Variants in DLG2 observed in about 807,000 individuals in gnomAD.
The protein encoded by DLG2 is discs large MAGUK scaffold protein 2.
Under a neutral mutation model 132.5 loss-of-function variants are expected in DLG2, and 45 were observed. The observed-to-expected ratio is 0.34, with a 90% CI of 0.27 to 0.44. The LOEUF (loss-of-function observed/expected upper bound fraction) is 0.44. Ranked by LOEUF, DLG2 falls within the 20% of genes least tolerant of loss-of-function variation. The pLI, the probability that DLG2 is intolerant of heterozygous loss-of-function variation, is 1.00. For missense variants in DLG2, 1,045 were observed against 1,196.9 expected, an observed-to-expected ratio of 0.87 and a Z score of 1.87; for synonymous variants, 424 against 419.6, an observed-to-expected ratio of 1.01 and a Z score of -0.13.
chr11:83,859,249 C>T (rs2061037828), intron 16 of DLG2, among the ~76,000 whole-genome samples: 1 of 152,142 alleles, frequency 6.6e-6, no homozygotes, highest in South Asian at 2.1e-4. Flanking sequence ...CAAGTAGAGG[C>T]TGGACCAGTT....
At chr11:85,348,763 C>T (rs928387098) in intron 3 of DLG2, among the ~76,000 whole-genome samples, 1 of 152,112 alleles carries the variant, frequency 6.6e-6, no homozygotes, top group East Asian at 1.9e-4. Context: ...ACATTTACAT[C>T]CAGTCAATCA....
At chr11:84,008,271 C>T (rs2094681962) in intron 11 of DLG2, among the ~76,000 whole-genome samples, 1 of 151,890 alleles carries the variant, frequency 6.6e-6, no homozygotes, top group Non-Finnish European at 1.5e-5. Context: ...CCTCCAGTTA[C>T]TCTACCTTAT....
intron 6 of DLG2, among the ~76,000 whole-genome samples, chr11:84,954,350 TAAAA>T (rs11366441): frequency 8.8e-6 from 1 of 113,850 alleles, no homozygotes. Context: ...TCTTAAAGGA[TAAAA>T]AAAAAAAAAA....
Position 83,541,742 on chromosome 11 carries a change from G to T in DLG2, c.2057C>A (p.Ala686Asp). Residue 686 changes from alanine to aspartate, a missense_variant, in exon 20 of 28, where the codon GCC becomes GAC. Physicochemically the swap from Ala to Asp is moderately radical, Grantham distance 126. Coordinates refer to ENST00000376104, the MANE Select transcript of DLG2 (RefSeq NM_001142699.3). The stretch of plus-strand genomic sequence containing the variant: ...GTCTCCCTCCAGCATGACTCTCCTG[G>T]CTTGCCACCACTCATCATCAGAGGC... Reference protein sequence around the residue: ...INASDDEWWQARRVMLEGDSE... With the variant: ...INASDDEWWQDRRVMLEGDSE... The T allele has an allele frequency of 6.2e-7, 1 of 1,612,928 alleles. No homozygotes were observed. The highest frequency in any genetic ancestry group is 8.5e-7 in the Non-Finnish European group (1 of 1,179,390).
chr11:84,294,417 G>A (rs999052746), intron 7 of DLG2, among the ~76,000 whole-genome samples: 3 of 152,120 alleles, frequency 2.0e-5, no homozygotes, highest in African/African-American at 7.2e-5. Flanking sequence ...GACCAACATG[G>A]TGAAACCCCA....
chr11:84,858,176 A>G (rs1022240237), intron 6 of DLG2, among the ~76,000 whole-genome samples: 2 of 152,074 alleles, frequency 1.3e-5, no homozygotes, highest in Non-Finnish European at 2.9e-5. Context: ...TACAGGCGTG[A>G]GCCACCATGC....
intron 7 of DLG2, among the ~76,000 whole-genome samples, chr11:84,479,341 G>A (rs531251935): frequency 6.6e-6 from 1 of 152,000 alleles, no homozygotes; most frequent in African/African-American, 2.4e-5. Context: ...TCCTCAGATG[G>A]TGACGTGAAG....
intron 21 of DLG2, among the ~76,000 whole-genome samples, chr11:83,491,161 T>G (rs2138199964): frequency 6.9e-6 from 1 of 145,816 alleles, no homozygotes; most frequent in Middle Eastern, 3.5e-3. Context: ...TTTTTTTTTG[T>G]TACTACTTCA....
At chr11:84,901,851 T>A (rs1048572535) in intron 6 of DLG2, among the ~76,000 whole-genome samples, 1 of 152,048 alleles carries the variant, frequency 6.6e-6, no homozygotes, top group African/African-American at 2.4e-5. Context: ...GCCATTTCTA[T>A]TGTACCACAC....
chr11:85,295,627 A>C (rs1407829262), intron 3 of DLG2, among the ~76,000 whole-genome samples: 1 of 152,148 alleles, frequency 6.6e-6, no homozygotes, highest in African/African-American at 2.4e-5. Flanking sequence ...CAGTATGCAT[A>C]ATAGAATGTT....
chr11:84,416,217 T>A (rs974066051), intron 7 of DLG2, among the ~76,000 whole-genome samples: 4 of 152,136 alleles, frequency 2.6e-5, no homozygotes, highest in Admixed American at 1.3e-4. Flanking sequence ...AAGTCCACAA[T>A]ATTACTTCTG....
At chr11:85,252,274 A>C (rs2076434676) in intron 4 of DLG2, among the ~76,000 whole-genome samples, 1 of 152,252 alleles carries the variant, frequency 6.6e-6, no homozygotes, top group Non-Finnish European at 1.5e-5. Context: ...GTGAATGCAC[A>C]GAGCAGATTT....
intron 6 of DLG2, among the ~76,000 whole-genome samples, chr11:84,644,711 A>G (rs1051386183): frequency 6.6e-6 from 1 of 151,940 alleles, no homozygotes; most frequent in African/African-American, 2.4e-5. Context: ...ATTTCAAAAA[A>G]AAAAAAAAAA....
chr11:84,242,993 TTC>T (rs145284405), intron 8 of DLG2, among the ~76,000 whole-genome samples: 53 of 125,098 alleles, frequency 4.2e-4, no homozygotes, highest in South Asian at 2.3e-3. Flanking sequence ...ATTAATTAGG[TTC>T]TCTCTCTCTC....
chr11:83,770,265 G>C (rs73511067), intron 18 of DLG2, among the ~76,000 whole-genome samples: 1 of 128,772 alleles, frequency 7.8e-6, no homozygotes, highest in Non-Finnish European at 1.6e-5. Context: ...GTTTTTTTTT[G>C]TTTTTTTGCT....
chr11:84,000,711 A>G (rs2094302364), intron 11 of DLG2, among the ~76,000 whole-genome samples: 1 of 152,136 alleles, frequency 6.6e-6, no homozygotes, highest in Admixed American at 6.6e-5. Flanking sequence ...ATGATATATT[A>G]AAAGTTTCAA....
At chr11:83,632,984 CAT>C in intron 19 of DLG2, 1 of 503,916 alleles carries the variant, frequency 2.0e-6, no homozygotes, top group Non-Finnish European at 3.5e-6. Context: ...TATCCTGAAT[CAT>C]AACTTTGCCA....
At chr11:84,884,757 T>A (rs10466727) in intron 6 of DLG2, among the ~76,000 whole-genome samples, 1 of 152,036 alleles carries the variant, frequency 6.6e-6, no homozygotes, top group Non-Finnish European at 1.5e-5. Flanking sequence ...ATCTGCAGAT[T>A]CTCTTTCCAC....
At chr11:83,888,750 A>C (rs1198350337) in intron 15 of DLG2, among the ~76,000 whole-genome samples, 1 of 152,206 alleles carries the variant, frequency 6.6e-6, no homozygotes, top group Non-Finnish European at 1.5e-5. Context: ...ACTGGTACCA[A>C]AACAGAGATA....
Sources: allele counts gnomAD v4.1 joint callset (sites outside exome capture counted in the v4.1 genomes callset), GRCh38; gene constraint gnomAD v4.1.1; transcripts MANE v1.5; gene names NCBI Gene and HGNC (gene_info 2026-07-23, HGNC 2026-07-21).